The following ALDH1L1 variants were observed in gnomAD, a reference collection of about 807,000 sequenced individuals.
The protein encoded by ALDH1L1 is aldehyde dehydrogenase 1 family member L1, also known as cytosolic 10-formyltetrahydrofolate dehydrogenase.
Under a neutral mutation model 101.1 loss-of-function variants are expected in ALDH1L1, and 68 were observed. That is an observed-to-expected ratio of 0.67 (90% CI 0.55 to 0.82). The LOEUF (loss-of-function observed/expected upper bound fraction) is 0.82. Among genes scored for constraint, ALDH1L1 ranks in the 40% least tolerant of loss-of-function variants. The pLI, the probability that ALDH1L1 is intolerant of heterozygous loss-of-function variation, is 0.00. For synonymous variants in ALDH1L1, 486 were observed against 470.8 expected, an observed-to-expected ratio of 1.03 and a Z score of -0.42; for missense variants, 1,087 against 1,172.7, an observed-to-expected ratio of 0.93 and a Z score of 1.07.
intron 9 of ALDH1L1, among the ~76,000 whole-genome samples, chr3:126,141,575 T>C (rs1405511443): frequency 6.6e-6 from 1 of 151,992 alleles, no homozygotes; most frequent in Non-Finnish European, 1.5e-5. Context: ...CATAAAGATA[T>C]GAAAATGAGC....
At chr3:126,182,775 A>G (rs1052661261), upstream of ALDH1L1, among the ~76,000 whole-genome samples, 1 of 152,182 alleles carries the variant, frequency 6.6e-6, no homozygotes, top group Non-Finnish European at 1.5e-5. Context: ...AGAGGTATGG[A>G]GCAGGAGAGG....
At chr3:126,179,775 C>G (rs1214107319) in intron 1 of ALDH1L1, 1 of 152,260 alleles carries the variant, frequency 6.6e-6, no homozygotes, top group East Asian at 1.9e-4. Context: ...AATTCCGTCT[C>G]TGTCTGCACT....
intron 4 of ALDH1L1, among the ~76,000 whole-genome samples, chr3:126,156,863 T>G (rs935840992): frequency 1.3e-5 from 2 of 152,220 alleles, no homozygotes; most frequent in African/African-American, 2.4e-5. Context: ...AGAAAAAGTG[T>G]TTCTCTTTCC....
In ALDH1L1 at chr3:126,138,133, C is replaced by T. The variant is rs1162454562; in HGVS notation, c.1077-173G>A. Among the ~76,000 whole-genome samples, 5 of 152,236 alleles carry T rather than the reference C, an allele frequency of 3.3e-5. No individual in the cohort carries two copies. The East Asian group carries it at 5.8e-4, about 18-fold the overall frequency. ...CTCAGGCTGTGGACTCAGATGGTCC[C>T]GGGTCCAAATTCTCGCTCCATTACT... is the stretch of plus-strand genomic sequence containing the variant. On this transcript the variant is annotated intron_variant, in intron 9 of 22. Coordinates refer to ENST00000393434, the MANE Select transcript of ALDH1L1 (RefSeq NM_012190.4).
chr3:126,176,211 A>G (rs926365170), intron 1 of ALDH1L1, among the ~76,000 whole-genome samples: 5 of 152,200 alleles, frequency 3.3e-5, no homozygotes, highest in African/African-American at 1.2e-4. Flanking sequence ...GAGATAGTAC[A>G]TGTTCATGGG....
intron 9 of ALDH1L1, 98 bp downstream of exon 9, chr3:126,146,737 G>A (rs2108271411): frequency 7.6e-7 from 1 of 1,311,306 alleles, no homozygotes; most frequent in African/African-American, 1.5e-5. Flanking sequence ...CATGATCCAT[G>A]AGTGTAACAA....
At chr3:126,168,013 C>T (rs1032070577) in intron 1 of ALDH1L1, among the ~76,000 whole-genome samples, 1 of 151,960 alleles carries the variant, frequency 6.6e-6, no homozygotes, top group African/African-American at 2.4e-5. Context: ...CATGGATTTG[C>T]ATGCAAGGTG....
chr3:126,111,957 G>C (rs943224793), intron 19 of ALDH1L1, among the ~76,000 whole-genome samples: 7 of 152,216 alleles, frequency 4.6e-5, no homozygotes, highest in African/African-American at 1.7e-4. Flanking sequence ...TCTAACAGAG[G>C]TGGTGAGGAA....
chr3:126,130,442 G>A, intron 13 of ALDH1L1, 149 bp from the exon 14 acceptor site: 1 of 593,950 alleles, frequency 1.7e-6, no homozygotes, highest in Non-Finnish European at 2.6e-6. Context: ...CAGGGGGGCA[G>A]CCAGAGGGGC....
intron 20 of ALDH1L1, among the ~76,000 whole-genome samples, chr3:126,108,323 T>G (rs1559912679): frequency 6.6e-6 from 1 of 152,196 alleles, no homozygotes; most frequent in Admixed American, 6.5e-5. Context: ...TGCCCCTCAC[T>G]GGGCTGCAGG....
At chr3:126,133,166 C>G (rs932257549) in intron 12 of ALDH1L1, among the ~76,000 whole-genome samples, 2 of 152,212 alleles carry the variant, frequency 1.3e-5, no homozygotes, top group Admixed American at 1.3e-4. Flanking sequence ...CAAACAGGTA[C>G]GTTTTTAGCC....
At chr3:126,156,176 A>AT (rs1416414783) in intron 4 of ALDH1L1, 1 of 152,208 alleles carries the variant, frequency 6.6e-6, no homozygotes, top group Non-Finnish European at 1.5e-5. Flanking sequence ...GAGGAACTGA[A>AT]TTTTTCAGTA....
Position 126,158,865 on chromosome 3 carries a change from T to C in ALDH1L1, c.128-226A>G, listed in dbSNP as rs78972428. On this transcript the variant is annotated intron_variant, in intron 2 of 22. Transcript: ENST00000393434. The stretch of plus-strand genomic sequence containing the variant: ...GACTTTTGCTGAACCCCAGGACCTC[T>C]GAGTGCCTCCCTCTTCCAGAACCCA... 6.6e-3 allele frequency among the ~76,000 whole-genome samples: 1,000 copies of C among 152,318 alleles called. 6 individuals are homozygous for C. Among genetic ancestry groups the C allele is most frequent in the African/African-American group, 0.023 (944 of 41,554 alleles).
chr3:126,137,481 C>T (rs2080471287), intron 10 of ALDH1L1, among the ~76,000 whole-genome samples: 1 of 152,244 alleles, frequency 6.6e-6, no homozygotes, highest in Non-Finnish European at 1.5e-5. Flanking sequence ...TTACTTGTCA[C>T]ACTTCCATAC....
At chr3:126,175,517 C>T (rs187537688) in intron 1 of ALDH1L1, among the ~76,000 whole-genome samples, 19 of 152,214 alleles carry the variant, frequency 1.2e-4, no homozygotes, top group African/African-American at 4.6e-4. Context: ...TACATAACCA[C>T]CACATGGGAT....
Position 126,157,348 on chromosome 3 carries a change from C to G in ALDH1L1, c.523G>C (p.Gly175Arg). 1 of 1,611,296 alleles carries G rather than the reference C, an allele frequency of 6.2e-7. No individual in the cohort carries two copies. Among genetic ancestry groups the G allele is most frequent in the East Asian group, 2.2e-5 (1 of 44,752 alleles). ...GGCCGGCTCCAGGTCCTCACCATCC[C>G]TTTGATGCCTTCAGGGAAGAGGAAG... is the stretch of plus-strand genomic sequence containing the variant. ...NRFLFPEGIK[G>R]MVQAVRLIAE... Residue 175 changes from glycine to arginine, a missense_variant, in exon 4 of 23, where the codon GGG becomes CGG. This residue lies in a region of ALDH1L1 where 645 missense variants were observed against 637.0 expected (regional missense o/e 1.01). Coordinates refer to ENST00000393434, the MANE Select transcript of ALDH1L1 (RefSeq NM_012190.4).
At chr3:126,148,473 C>T (rs1348731933) in intron 8 of ALDH1L1, among the ~76,000 whole-genome samples, 4 of 152,314 alleles carry the variant, frequency 2.6e-5, no homozygotes, top group African/African-American at 7.2e-5. Context: ...CCAGACTGGC[C>T]TCCCCTCGTT....
intron 9 of ALDH1L1, among the ~76,000 whole-genome samples, chr3:126,144,615 T>G (rs547300711): frequency 6.6e-6 from 1 of 152,212 alleles, no homozygotes; most frequent in Non-Finnish European, 1.5e-5. Context: ...GATAGTCCCT[T>G]CAACAAGTGA....
intron 3 of ALDH1L1, 84 bp from the exon 4 acceptor site, chr3:126,157,592 C>T (rs1174501213): frequency 6.8e-7 from 1 of 1,472,960 alleles, no homozygotes; most frequent in East Asian, 2.3e-5. Context: ...GACCTGCCAC[C>T]CTCCAGGAGG....
Sources: allele counts gnomAD v4.1 joint callset (sites outside exome capture counted in the v4.1 genomes callset), GRCh38; gene constraint gnomAD v4.1.1; regional missense constraint gnomAD v4.1.1; transcripts MANE v1.5; gene names NCBI Gene and HGNC (gene_info 2026-07-23, HGNC 2026-07-21).